TMEM135: variants seen among roughly 807,000 people sequenced by gnomAD.
TMEM135 encodes the protein transmembrane protein 135.
A neutral mutation model predicts 60.3 loss-of-function variants in TMEM135; 30 were observed. The ratio of observed to expected loss-of-function variants is 0.50; its 90% CI spans 0.37 to 0.68. The LOEUF is 0.68. Among genes scored for constraint, TMEM135 ranks in the 30% least tolerant of loss-of-function variants. The pLI is 0.00. For missense variants in TMEM135, 468 were observed against 548.8 expected (o/e 0.85, Z 1.47); for synonymous variants, 190 against 186.7 (o/e 1.02, Z -0.14).
At chr11:87,156,842 A>G (rs574956987) in intron 4 of TMEM135, among the ~76,000 whole-genome samples, 2 of 152,182 alleles carry the variant, frequency 1.3e-5, no homozygotes, top group Admixed American at 1.3e-4. Flanking sequence ...TTTGAACTTA[A>G]TTTTTGTTCA....
chr11:87,118,378 A>G (rs949633144), intron 4 of TMEM135, among the ~76,000 whole-genome samples: 7 of 152,192 alleles, frequency 4.6e-5, no homozygotes, highest in African/African-American at 7.2e-5. Flanking sequence ...TCCTTTGTCT[A>G]AAATCTGTTG....
chr11:87,200,216 C>T (rs561298737), intron 5 of TMEM135, among the ~76,000 whole-genome samples: 1 of 152,104 alleles, frequency 6.6e-6, no homozygotes, highest in South Asian at 2.1e-4. Flanking sequence ...AGCTTACTCA[C>T]CTAAATAGTT....
chr11:87,139,916 A>G (rs1273963324), intron 4 of TMEM135, among the ~76,000 whole-genome samples: 3 of 152,102 alleles, frequency 2.0e-5, no homozygotes, highest in Non-Finnish European at 4.4e-5. Flanking sequence ...TTGTTCAAGT[A>G]TCTGTTGAAA....
chr11:87,319,115 C>T (rs529231644), intron 13 of TMEM135, 195 bp from the exon 14 acceptor site: 255 of 555,106 alleles, frequency 4.6e-4, no homozygotes, highest in African/African-American at 4.4e-3. Context: ...GTAATCTGCC[C>T]GCCTCGGCCT....
intron 3 of TMEM135, among the ~76,000 whole-genome samples, chr11:87,080,624 A>G (rs1389674141): frequency 1.3e-5 from 2 of 152,030 alleles, no homozygotes; most frequent in Non-Finnish European, 2.9e-5. Flanking sequence ...CCTTTTATCC[A>G]TATGGAATGT....
chr11:87,105,090 C>G (rs114223123), intron 4 of TMEM135, among the ~76,000 whole-genome samples: 2,876 of 152,180 alleles, frequency 0.019, 76 homozygotes, highest in East Asian at 0.062. Flanking sequence ...AGGTACATTC[C>G]TCTATACCTA....
At chr11:87,205,103 TCTGA>T (rs1940206495) in intron 5 of TMEM135, among the ~76,000 whole-genome samples, 1 of 152,204 alleles carries the variant, frequency 6.6e-6, no homozygotes, top group Non-Finnish European at 1.5e-5. Flanking sequence ...CTGGCAAAAG[TCTGA>T]CTGTCATCTA....
intron 1 of TMEM135, among the ~76,000 whole-genome samples, chr11:87,041,028 G>A (rs1406532832): frequency 6.6e-6 from 1 of 152,030 alleles, no homozygotes; most frequent in East Asian, 1.9e-4. Context: ...TGTAAACTGA[G>A]GCAGAAAACT....
chr11:87,254,309 T>C (rs1429350936), intron 6 of TMEM135, among the ~76,000 whole-genome samples: 2 of 152,174 alleles, frequency 1.3e-5, no homozygotes, highest in Non-Finnish European at 2.9e-5. Context: ...GAGTTTTCAT[T>C]GACTTAATTA....
At chr11:87,302,869 T>G (rs928046946) in intron 8 of TMEM135, among the ~76,000 whole-genome samples, 1 of 152,212 alleles carries the variant, frequency 6.6e-6, no homozygotes, top group African/African-American at 2.4e-5. Context: ...TGAAAATTTT[T>G]GGGGTTCTCA....
intron 1 of TMEM135, among the ~76,000 whole-genome samples, chr11:87,066,925 C>T (rs3133317): frequency 0.22 from 33,612 of 150,462 alleles, 4,290 homozygotes; most frequent in East Asian, 0.52. Context: ...GGACTACAGG[C>T]GCCCACCACC....
rs1212181472 is a variant in TMEM135 at position 87,328,216 on chromosome 11, C to T, written c.*6883C>T. 6.6e-6 allele frequency: 3 copies of T among 453,962 alleles called. No individual in the cohort carries two copies. Among genetic ancestry groups the T allele is most frequent in the African/African-American group, 2.0e-5 (1 of 50,004 alleles). The allele number at this position is 453,962 out of a possible 1,614,324, so 28.1% of individuals were successfully genotyped here. A position where few individuals can be genotyped will look rare whatever the true frequency, so the allele number is the denominator to read the frequency against. ...CAGTTTCATTTCCCATTATATCCTT[C>T]TCTCTCTTGATTTAGAATTCTCTTT... On this transcript the variant is annotated 3_prime_UTR_variant, in exon 15 of 15. Transcript: ENST00000305494.
At chr11:87,279,282 G>A (rs914807068) in intron 6 of TMEM135, among the ~76,000 whole-genome samples, 3 of 152,228 alleles carry the variant, frequency 2.0e-5, no homozygotes, top group African/African-American at 7.2e-5. Flanking sequence ...AGGGGAGATG[G>A]TGTGTCTACT....
At chr11:87,038,276 C>A in intron 1 of TMEM135, 90 bp downstream of exon 1, 1 of 1,443,214 alleles carries the variant, frequency 6.9e-7, no homozygotes, top group Non-Finnish European at 9.4e-7. Context: ...CTCTGGGGGA[C>A]TTGCCTTGTG....
At chr11:87,127,553 TTGGTA>T (rs1300557167) in intron 4 of TMEM135, among the ~76,000 whole-genome samples, 2 of 152,216 alleles carry the variant, frequency 1.3e-5, no homozygotes, top group Non-Finnish European at 2.9e-5. Context: ...TGAGTATAAT[TTGGTA>T]TAGTATACTG....
intron 5 of TMEM135, among the ~76,000 whole-genome samples, chr11:87,163,012 G>T (rs1938930258): frequency 1.5e-5 from 2 of 137,200 alleles, no homozygotes; most frequent in South Asian, 5.1e-4. Flanking sequence ...CCTTATAAAT[G>T]TCTTCTTTTT....
At position 87,133,878 on chromosome 11, in the gene TMEM135, T is replaced by C. The variant is rs150709353; in HGVS notation, c.397-23463T>C. On this transcript the variant is annotated intron_variant, in intron 4 of 14. Coordinates refer to ENST00000305494, the MANE Select transcript of TMEM135 (RefSeq NM_022918.4). ...TTTGTGTAACAATGGTTCATTTTTA[T>C]TGCCGATAAGCATTCTGTTGTTTGG... Among the ~76,000 whole-genome samples, 84 of 152,348 alleles carry C rather than the reference T, an allele frequency of 5.5e-4. 1 individual carries two copies. The highest frequency in any genetic ancestry group is 1.5e-3 in the Admixed American group (23 of 15,296).
At chr11:87,156,260 T>C (rs1210758335) in intron 4 of TMEM135, among the ~76,000 whole-genome samples, 7 of 152,202 alleles carry the variant, frequency 4.6e-5, no homozygotes, top group Admixed American at 4.6e-4. Flanking sequence ...TTTTGATTAC[T>C]GTAGGTTTGT....
At chr11:87,154,982 TCC>T (rs1306076708) in intron 4 of TMEM135, among the ~76,000 whole-genome samples, 51 of 151,478 alleles carry the variant, frequency 3.4e-4, no homozygotes, top group South Asian at 1.3e-3. Context: ...TTTGGTGAAA[TCC>T]AGTTTTATTT....
Sources: gnomAD v4.1 joint callset for allele counts (sites outside exome capture counted in the v4.1 genomes callset) on GRCh38, gnomAD v4.1.1 for gene constraint, MANE v1.5 for transcripts, NCBI Gene and HGNC (gene_info 2026-07-23, HGNC 2026-07-21) for gene names.